APP: variants seen among roughly 807,000 people sequenced by gnomAD.
APP encodes amyloid-beta precursor protein.
APP carries 31 observed loss-of-function variants against 101.4 expected under a neutral mutation model. That is an observed-to-expected ratio of 0.31 (90% CI 0.23 to 0.41). The LOEUF is 0.41. APP is among the 10% of genes least tolerant of loss of function. The probability of loss-of-function intolerance (pLI) is 1.00; values close to 1 mark genes in which losing one functional copy is unlikely to be tolerated. For synonymous variants in APP, 366 were observed against 364.4 expected (o/e 1.00, Z -0.05); for missense variants, 839 against 1,003.7 (o/e 0.84, Z 2.22).
chr21:26,133,555 G>A (rs1338192566), intron 1 of APP, among the ~76,000 whole-genome samples: 1 of 152,158 alleles, frequency 6.6e-6, no homozygotes, highest in Non-Finnish European at 1.5e-5. Context: ...GGAGGCCGAG[G>A]CGGGTGGGAT....
chr21:25,909,316 T>C (rs1260012087), intron 14 of APP, among the ~76,000 whole-genome samples: 3 of 152,050 alleles, frequency 2.0e-5, no homozygotes, highest in Non-Finnish European at 2.9e-5. Context: ...TTAAATTGTT[T>C]GCTATAATCA....
intron 3 of APP, among the ~76,000 whole-genome samples, chr21:26,086,562 T>TAATAAA (rs2061709168): frequency 6.7e-6 from 1 of 149,136 alleles, no homozygotes; most frequent in Non-Finnish European, 1.5e-5. Context: ...GCTAGGTCAG[T>TAATAAA]AAAAAAAAAA....
intron 3 of APP, among the ~76,000 whole-genome samples, chr21:26,062,128 C>T (rs1020607405): frequency 2.6e-5 from 4 of 151,168 alleles, no homozygotes; most frequent in African/African-American, 7.3e-5. Flanking sequence ...AAGAATCTCC[C>T]GAACCAGGGA....
chr21:26,085,979 G>A (rs2061694262), intron 3 of APP, among the ~76,000 whole-genome samples: 1 of 152,066 alleles, frequency 6.6e-6, no homozygotes, highest in Non-Finnish European at 1.5e-5. Context: ...TTTGGATTAA[G>A]CTATTAACCT....
chr21:26,095,377 A>G (rs2061919358), intron 2 of APP, among the ~76,000 whole-genome samples: 1 of 152,218 alleles, frequency 6.6e-6, no homozygotes, highest in East Asian at 1.9e-4. Context: ...CAGCGTCTCC[A>G]TGCTGTACAT....
At chr21:25,954,793 C>T (rs973693056) in intron 12 of APP, 104 bp from the exon 13 acceptor site, 10 of 973,584 alleles carry the variant, frequency 1.0e-5, no homozygotes, top group Middle Eastern at 3.0e-4. Context: ...CTCGCTCTGT[C>T]GCCCAGGTTA....
At chr21:26,134,711 G>A (rs539773204) in intron 1 of APP, among the ~76,000 whole-genome samples, 1 of 152,188 alleles carries the variant, frequency 6.6e-6, no homozygotes, top group Non-Finnish European at 1.5e-5. Flanking sequence ...AGCTCCTGGA[G>A]GTTGGGGAGG....
chr21:26,167,293 A>G (rs1213818624), intron 1 of APP, among the ~76,000 whole-genome samples: 1 of 152,206 alleles, frequency 6.6e-6, no homozygotes, highest in Non-Finnish European at 1.5e-5. Context: ...TGAGGTATGC[A>G]GTCGAACTAA....
At chr21:25,912,097 T>C (rs1406102985) in intron 13 of APP, 135 bp from the exon 14 acceptor site, 1 of 729,786 alleles carries the variant, frequency 1.4e-6, no homozygotes, top group Non-Finnish European at 2.5e-6. Flanking sequence ...AGCCATGACA[T>C]AGGTACCATT....
chr21:25,886,919 T>A (rs1360825115), intron 17 of APP, among the ~76,000 whole-genome samples: 1 of 152,068 alleles, frequency 6.6e-6, no homozygotes, highest in African/African-American at 2.4e-5. Flanking sequence ...CATCTTTTTA[T>A]ACAGTCACCA....
chr21:25,982,971 T>C (rs2042494306), intron 8 of APP, among the ~76,000 whole-genome samples: 1 of 143,268 alleles, frequency 7.0e-6, no homozygotes, highest in South Asian at 2.4e-4. Flanking sequence ...GATAACTGAA[T>C]TACGAAGACA....
chr21:26,056,270 T>C (rs2046037630), intron 3 of APP, among the ~76,000 whole-genome samples: 1 of 152,124 alleles, frequency 6.6e-6, no homozygotes, highest in Admixed American at 6.6e-5. Flanking sequence ...ACTCCTAGGC[T>C]CAAGCAATCT....
intron 15 of APP, among the ~76,000 whole-genome samples, chr21:25,898,255 T>C (rs1371364771): frequency 6.6e-6 from 1 of 152,208 alleles, no homozygotes; most frequent in Non-Finnish European, 1.5e-5. Flanking sequence ...GTCTGCTGAA[T>C]AAAGAGCTAT....
chr21:25,978,946 A>G (rs1444423476), intron 9 of APP, among the ~76,000 whole-genome samples: 1 of 152,216 alleles, frequency 6.6e-6, no homozygotes, highest in Admixed American at 6.5e-5. Context: ...GCAAGACTCC[A>G]TCTCCAAAAA....
intron 6 of APP, among the ~76,000 whole-genome samples, chr21:26,015,979 C>T (rs960039453): frequency 3.4e-4 from 51 of 151,948 alleles, no homozygotes; most frequent in African/African-American, 1.1e-3. Context: ...TATTTTTGGC[C>T]CCAATTTGCT....
chr21:25,955,081 T>C (rs2041257905), intron 12 of APP, among the ~76,000 whole-genome samples: 1 of 152,110 alleles, frequency 6.6e-6, no homozygotes, highest in African/African-American at 2.4e-5. Context: ...ATACATTTCT[T>C]TGCAAATTTC....
At chr21:25,900,633 ACTTT>A (rs1025935130) in intron 15 of APP, among the ~76,000 whole-genome samples, 8 of 152,074 alleles carry the variant, frequency 5.3e-5, no homozygotes, top group Admixed American at 1.3e-4. Flanking sequence ...TTTTAAGAAA[ACTTT>A]CTTGAACAGT....
In APP at chr21:25,905,091, G is replaced by A; in HGVS notation, c.1910-14C>T. On this transcript the variant is annotated splice_polypyrimidine_tract_variant and intron_variant, in intron 14 of 17. Transcript: ENST00000346798. ...CAACAGGCTCAACTGGGCACAGGAA[G>A]CAAGGGACACAGAAAGCAAACAAGA... is the stretch of plus-strand genomic sequence containing the variant. 6.2e-7 allele frequency: 1 copy of A among 1,612,480 alleles called. No individual in the cohort carries two copies. Among genetic ancestry groups the A allele is most frequent in the African/African-American group, 1.3e-5 (1 of 75,012 alleles).
intron 1 of APP, among the ~76,000 whole-genome samples, chr21:26,113,880 G>A (rs2062379916): frequency 6.6e-6 from 1 of 152,190 alleles, no homozygotes; most frequent in African/African-American, 2.4e-5. Flanking sequence ...TAATAACACT[G>A]CAAAAACATT....
Sources: gnomAD v4.1 joint callset for allele counts (sites outside exome capture counted in the v4.1 genomes callset) on GRCh38, gnomAD v4.1.1 for gene constraint, MANE v1.5 for transcripts, NCBI Gene and HGNC (gene_info 2026-07-23, HGNC 2026-07-21) for gene names.